Variants in HNRNPR observed in about 807,000 individuals in gnomAD.
HNRNPR encodes the protein heterogeneous nuclear ribonucleoprotein R.
In HNRNPR, 4 loss-of-function variants were observed where a neutral mutation model predicts 70.3. The observed-to-expected ratio is 0.06, with a 90% CI of 0.03 to 0.13. HNRNPR has a LOEUF of 0.13. Among genes scored for constraint, HNRNPR ranks in the 10% least tolerant of loss-of-function variants. HNRNPR has a pLI of 1.00. For synonymous variants in HNRNPR, 241 were observed against 267.6 expected (o/e 0.90, Z 0.97); for missense variants, 423 against 788.5 (o/e 0.54, Z 5.55).
In HNRNPR at chr1:23,330,034, G is replaced by T. The variant is rs915455328; in HGVS notation, c.498+3484C>A. On this transcript the variant is annotated intron_variant, in intron 5 of 10. Transcript: ENST00000302271. The stretch of plus-strand genomic sequence containing the variant: ...AGTTTCTCATACATAATACAATTCA[G>T]GTGCCACAAAGTCATATACTTTAGG... Among the ~76,000 whole-genome samples the T allele has an allele frequency of 7.3e-4, 111 of 152,012 alleles. 7 individuals are homozygous for T. The highest frequency in any genetic ancestry group is 4.4e-5 in the Non-Finnish European group (3 of 68,020).
In HNRNPR at chr1:23,341,152, T is replaced by G. The variant is rs1646691118; in HGVS notation, c.-9-135A>C. 6.4e-6 allele frequency: 4 copies of G among 625,850 alleles called. No homozygotes were observed. The South Asian group carries it at 7.3e-5, about 11-fold the overall frequency. The allele number at this position is 625,850 out of a possible 1,614,324, so 38.8% of individuals were successfully genotyped here. ...TATCAAAATAATAATTTATTCCTCC[T>G]GTGATGTATCTGACCTAAATTGGCA... On this transcript the variant is annotated intron_variant, in intron 1 of 10. Coordinates refer to ENST00000302271, the MANE Select transcript of HNRNPR (RefSeq NM_005826.5).
chr1:23,326,212 TCACA>T (rs1645969797), intron 5 of HNRNPR, among the ~76,000 whole-genome samples: 3 of 151,684 alleles, frequency 2.0e-5, no homozygotes, highest in Admixed American at 6.6e-5. Context: ...TTTTTTTTAC[TCACA>T]CAGTTATTAT....
At chr1:23,322,899 T>C (rs1485801391) in intron 6 of HNRNPR, among the ~76,000 whole-genome samples, 1 of 152,186 alleles carries the variant, frequency 6.6e-6, no homozygotes, top group Non-Finnish European at 1.5e-5. Flanking sequence ...TACATTTGAT[T>C]TGCAGAACTT....
rs1645202491 is a variant in HNRNPR at position 23,306,381 on chromosome 1, A to T, written c.*4073T>A. ...CCACACTTAATGCCCCACTACTGAT[A>T]AAAAAAAAAATAGGAAAAAAAAGTT... On this transcript the variant is annotated 3_prime_UTR_variant, in exon 11 of 11. Transcript: ENST00000302271. The T allele has an allele frequency of 6.8e-6, 1 of 146,618 alleles. No homozygotes were observed. Among genetic ancestry groups the T allele is most frequent in the African/African-American group, 2.5e-5 (1 of 40,212 alleles). The allele number at this position is 146,618 out of a possible 1,614,324, so 9.1% of individuals were successfully genotyped here.
chr1:23,310,537 C>G lies in HNRNPR; in HGVS notation c.1819G>C (p.Gly607Arg), dbSNP rs1349064402. The G allele has an allele frequency of 4.3e-6, 7 of 1,614,082 alleles. No individual in the cohort carries two copies. The highest frequency in any genetic ancestry group is 5.9e-6 in the Non-Finnish European group (7 of 1,180,044). Residue 607 changes from glycine (G) to arginine (R), a missense_variant, in exon 11 of 11, where the codon GGT becomes CGT. By Grantham distance (125) the Gly-to-Arg change is moderately radical. Coordinates refer to ENST00000302271, the MANE Select transcript of HNRNPR (RefSeq NM_005826.5). The surrounding 1 kb of genome is among the most constrained non-coding windows in gnomAD (Gnocchi z 6.0). ...QPIAQQPLQQ[G>R]GDYSGNYGYN... ...CCATAGTTACCAGAATAGTCACCAC[C>G]TTGCTGAAGCGGCTGCTGAGCGATG...
intron 5 of HNRNPR, among the ~76,000 whole-genome samples, chr1:23,327,897 C>T (rs907273066): frequency 6.7e-6 from 1 of 150,076 alleles, no homozygotes; most frequent in Non-Finnish European, 1.5e-5. Flanking sequence ...GTGTCTCATG[C>T]CTATAATCCC....
chr1:23,335,900 G>A (rs1410803920), intron 4 of HNRNPR, among the ~76,000 whole-genome samples: 10 of 147,012 alleles, frequency 6.8e-5, no homozygotes, highest in East Asian at 4.1e-4. Flanking sequence ...GGCGGATCAC[G>A]AGGTCAGGAG....
At chr1:23,317,929 G>A (rs1458395457) in intron 8 of HNRNPR, among the ~76,000 whole-genome samples, 7 of 151,532 alleles carry the variant, frequency 4.6e-5, no homozygotes, top group African/African-American at 1.2e-4. Flanking sequence ...GCAGTGAGCC[G>A]AGATCGTACC....
At chr1:23,315,358 T>C (rs973225952) in intron 8 of HNRNPR, among the ~76,000 whole-genome samples, 4 of 151,576 alleles carry the variant, frequency 2.6e-5, no homozygotes, top group African/African-American at 7.3e-5. Flanking sequence ...TAGGACAACT[T>C]ACAGTCAATG....
chr1:23,341,548 C>T (rs926565546), intron 1 of HNRNPR, among the ~76,000 whole-genome samples: 2 of 151,954 alleles, frequency 1.3e-5, no homozygotes, highest in Non-Finnish European at 2.9e-5. Context: ...GTTTTCTCCA[C>T]CTAACAATAC....
chr1:23,332,020 T>A (rs187119396), intron 5 of HNRNPR, among the ~76,000 whole-genome samples: 78 of 150,720 alleles, frequency 5.2e-4, no homozygotes, highest in African/African-American at 1.9e-3. Context: ...TAGTCCCAGC[T>A]ACTCGGGAGG....
Position 23,343,868 on chromosome 1 carries a change from GGCCGCGGGC to G in HNRNPR, c.-10+334_-10+342del, listed in dbSNP as rs1441400394. Among the ~76,000 whole-genome samples the G allele has an allele frequency of 2.6e-5, 4 of 152,194 alleles. No individual in the cohort carries two copies. In the East Asian group the frequency reaches 7.7e-4, roughly 29 times the overall value. On this transcript the variant is annotated intron_variant, in intron 1 of 10. Coordinates refer to ENST00000302271, the MANE Select transcript of HNRNPR (RefSeq NM_005826.5). ...CGGCTCCGGCGGGGAGAAGCGGCAG[GGCCGCGGGC>G]GCCTCAGGCCCTTCGCGGGATCCGG...
intron 7 of HNRNPR, among the ~76,000 whole-genome samples, chr1:23,319,532 T>TA (rs1645675425): frequency 1.3e-5 from 2 of 152,194 alleles, no homozygotes; most frequent in Admixed American, 6.5e-5. Flanking sequence ...TCTAATCCTG[T>TA]ATCTGTACTA....
At chr1:23,324,879 G>A (rs988117694) in intron 5 of HNRNPR, among the ~76,000 whole-genome samples, 5 of 152,114 alleles carry the variant, frequency 3.3e-5, no homozygotes, top group Admixed American at 6.5e-5. Context: ...GGTGGCTCAC[G>A]CCTGTAATCC....
chr1:23,325,343 T>G (rs1645929221), intron 5 of HNRNPR, among the ~76,000 whole-genome samples: 2 of 152,134 alleles, frequency 1.3e-5, no homozygotes, highest in African/African-American at 4.8e-5. Flanking sequence ...TTATGGACAT[T>G]AAGTTTCTGA....
intron 1 of HNRNPR, among the ~76,000 whole-genome samples, chr1:23,342,397 C>T (rs546963315): frequency 6.6e-6 from 1 of 152,252 alleles, no homozygotes; most frequent in South Asian, 2.1e-4. Flanking sequence ...AAACATGACT[C>T]CTCACAATTA....
At position 23,305,053 on chromosome 1, in the gene HNRNPR, T is replaced by C. The variant is rs1645183251; in HGVS notation, c.*5401A>G. On this transcript the variant is annotated 3_prime_UTR_variant, in exon 11 of 11. Transcript: ENST00000302271. The stretch of plus-strand genomic sequence containing the variant: ...AATGTTCATGGGATCCTGACAAATC[T>C]ACTATATAAAGTGAGAGCCCTTATT... 1 of 152,214 alleles carries C rather than the reference T, an allele frequency of 6.6e-6. No individual in the cohort carries two copies. The highest frequency in any genetic ancestry group is 2.4e-5 in the African/African-American group (1 of 41,452). 9.4% of individuals were successfully genotyped at this position (152,214 alleles called of 1,614,324 possible).
rs748519117 is a variant in HNRNPR, at chr1:23,341,001, T to G, written c.8A>C (p.Asn3Thr). The change falls in exon 2 of 11, where the codon AAT becomes ACT. Residue 3 changes from asparagine (N) to threonine (T), a missense_variant. Asn to Thr is a moderately conservative substitution (Grantham distance 65). Transcript: ENST00000302271. ...CTGTACCGCATTACCATTCACCTGA[T>G]TAGCCATTTTATTATGCTGCTGGAA... is the stretch of plus-strand genomic sequence containing the variant. MA[N>T]QVNGNAVQLK... The G allele has an allele frequency of 6.2e-7, 1 of 1,603,826 alleles. No individual in the cohort carries two copies. Among genetic ancestry groups the G allele is most frequent in the South Asian group, 1.1e-5 (1 of 88,424 alleles).
At chr1:23,334,322 C>T (rs1217238265) in intron 4 of HNRNPR, among the ~76,000 whole-genome samples, 4 of 150,834 alleles carry the variant, frequency 2.7e-5, no homozygotes, top group East Asian at 1.9e-4. Context: ...CTGCAAGCTC[C>T]GCCTCCCAGG....
Sources: allele counts gnomAD v4.1 joint callset (sites outside exome capture counted in the v4.1 genomes callset), GRCh38; gene constraint gnomAD v4.1.1; non-coding constraint Gnocchi (gnomAD v3.1); transcripts MANE v1.5; gene names NCBI Gene and HGNC (gene_info 2026-07-23, HGNC 2026-07-21).